ERC2: variants seen among roughly 807,000 people sequenced by gnomAD.
ERC2 encodes the protein ERC protein 2.
In ERC2, 42 loss-of-function variants were observed where a neutral mutation model predicts 114.8. That is an observed-to-expected ratio of 0.37 (90% CI 0.29 to 0.47). ERC2 has a LOEUF of 0.47. ERC2 is among the 20% of genes least tolerant of loss of function. ERC2 has a pLI of 0.99. For synonymous variants in ERC2, 454 were observed against 425.5 expected (o/e 1.07, Z -0.82); for missense variants, 939 against 1,150.7 (o/e 0.82, Z 2.66).
At position 56,032,885 on chromosome 3, in the gene ERC2, AAGAG is replaced by A. The variant is rs1193357850; in HGVS notation, c.1642-13858_1642-13855del. Among the ~76,000 whole-genome samples the A allele has an allele frequency of 1.3e-4, 10 of 79,268 alleles. No homozygotes were observed. In the East Asian group the frequency reaches 2.6e-3, roughly 20 times the overall value. 52.0% of individuals were successfully genotyped at this position (79,268 alleles called of 152,430 possible). On this transcript the variant is annotated intron_variant, in intron 7 of 17. Transcript: ENST00000288221. ...AAAGAAAGAAAGAAAGAAAGAAAGA[AAGAG>A]AGAGAGAGAGACAGAAAGAAAGAAA...
At chr3:55,540,496 T>C (rs1332867483) in intron 17 of ERC2, among the ~76,000 whole-genome samples, 1 of 152,132 alleles carries the variant, frequency 6.6e-6, no homozygotes, top group East Asian at 1.9e-4. Flanking sequence ...TAAGAAATGG[T>C]CTATGCTCAT....
At chr3:55,714,878 T>G (rs1027336033) in intron 15 of ERC2, among the ~76,000 whole-genome samples, 1 of 151,476 alleles carries the variant, frequency 6.6e-6, no homozygotes, top group South Asian at 2.1e-4. Flanking sequence ...CTGCTCCCTA[T>G]ACAAAAATGC....
At chr3:55,650,164 G>C (rs2060554863) in intron 17 of ERC2, among the ~76,000 whole-genome samples, 2 of 152,194 alleles carry the variant, frequency 1.3e-5, no homozygotes, top group Non-Finnish European at 2.9e-5. Context: ...ATTTGAGAGA[G>C]CCCCACATCC....
chr3:55,994,875 G>A (rs112065558), intron 10 of ERC2, among the ~76,000 whole-genome samples: 393 of 152,214 alleles, frequency 2.6e-3, no homozygotes, highest in African/African-American at 9.2e-3. Context: ...AGCACAGAAA[G>A]CCTAGGAAAA....
At chr3:56,180,613 T>C (rs914820967) in intron 3 of ERC2, among the ~76,000 whole-genome samples, 1 of 152,070 alleles carries the variant, frequency 6.6e-6, no homozygotes, top group African/African-American at 2.4e-5. Flanking sequence ...GACAAACTTA[T>C]CGAAATAGAA....
intron 3 of ERC2, among the ~76,000 whole-genome samples, chr3:56,211,187 T>C (rs1156821688): frequency 1.3e-5 from 2 of 152,088 alleles, no homozygotes; most frequent in Non-Finnish European, 2.9e-5. Context: ...CATAACTGTA[T>C]ACCTGGAAAA....
chr3:56,394,183 C>T (rs2060224250), intron 2 of ERC2, among the ~76,000 whole-genome samples: 6 of 152,084 alleles, frequency 3.9e-5, no homozygotes. Flanking sequence ...GAGAAAGAAC[C>T]TTACTGTAGG....
At chr3:55,771,223 T>C (rs907731515) in intron 14 of ERC2, among the ~76,000 whole-genome samples, 2 of 152,210 alleles carry the variant, frequency 1.3e-5, no homozygotes, top group Non-Finnish European at 2.9e-5. Flanking sequence ...ATCACCACAC[T>C]GTCTTCCACA....
intron 14 of ERC2, among the ~76,000 whole-genome samples, chr3:55,785,184 G>C (rs978335369): frequency 3.3e-5 from 5 of 152,114 alleles, no homozygotes; most frequent in Non-Finnish European, 7.4e-5. Context: ...GATAATTCAG[G>C]GTACACAAGG....
At chr3:55,884,476 A>G (rs897146291) in intron 14 of ERC2, among the ~76,000 whole-genome samples, 2 of 152,140 alleles carry the variant, frequency 1.3e-5, no homozygotes, top group African/African-American at 4.8e-5. Flanking sequence ...CCTTAAAATG[A>G]ACAATATCAC....
rs35098698 is a variant in ERC2 at position 56,219,674 on chromosome 3, G to GAAA, written c.1075-46157_1075-46155dup. 1.6e-4 allele frequency among the ~76,000 whole-genome samples: 20 copies of GAAA among 123,092 alleles called. 1 individual carries two copies. Among genetic ancestry groups the GAAA allele is most frequent in the Non-Finnish European group, 2.1e-4 (13 of 61,426 alleles). The allele number at this position is 123,092 out of a possible 152,430, so 80.8% of individuals were successfully genotyped here. On this transcript the variant is annotated intron_variant, in intron 3 of 17. Coordinates refer to ENST00000288221, the MANE Select transcript of ERC2 (RefSeq NM_015576.3). ...TTGAAGGACAAGAAGGCTCAAGTGC[G>GAAA]AAAAAAAAAAAAAAAAAGAAATGGG...
intron 15 of ERC2, among the ~76,000 whole-genome samples, chr3:55,727,464 T>C (rs1321837813): frequency 2.0e-5 from 3 of 152,210 alleles, no homozygotes; most frequent in Non-Finnish European, 4.4e-5. Flanking sequence ...TTATCTTTTT[T>C]TAATGCAACA....
At chr3:55,827,355 G>A (rs2060370124) in intron 14 of ERC2, among the ~76,000 whole-genome samples, 1 of 151,030 alleles carries the variant, frequency 6.6e-6, no homozygotes, top group African/African-American at 2.4e-5. Context: ...AGGAGGAGAT[G>A]AAAGTAAGAA....
intron 17 of ERC2, among the ~76,000 whole-genome samples, chr3:55,544,361 T>C (rs1417171165): frequency 6.6e-6 from 1 of 152,098 alleles, no homozygotes; most frequent in Non-Finnish European, 1.5e-5. Flanking sequence ...CGACAGCATT[T>C]TATTAGTGAC....
chr3:56,416,955 A>G (rs560183777), intron 2 of ERC2, among the ~76,000 whole-genome samples: 1 of 152,366 alleles, frequency 6.6e-6, no homozygotes, highest in Admixed American at 6.5e-5. Flanking sequence ...AGGCCGGTGC[A>G]GAGATCTAAG....
At chr3:55,675,097 T>C (rs1219280691) in intron 17 of ERC2, among the ~76,000 whole-genome samples, 2 of 152,148 alleles carry the variant, frequency 1.3e-5, no homozygotes, top group Non-Finnish European at 1.5e-5. Context: ...TTTACTCCAC[T>C]CAAGATTGAA....
chr3:55,810,465 C>CTTTTTTTTTTTTTTTTTTTTTT (rs11318195), intron 14 of ERC2, among the ~76,000 whole-genome samples: 2 of 146,424 alleles, frequency 1.4e-5, no homozygotes, highest in South Asian at 2.2e-4. Context: ...CTCTCTCCCT[C>CTTTTTTTTTTTTTTTTTTTTTT]TTTTTTTTTT....
chr3:56,079,315 C>T (rs1446421423), intron 7 of ERC2, among the ~76,000 whole-genome samples: 1 of 152,054 alleles, frequency 6.6e-6, no homozygotes, highest in East Asian at 1.9e-4. Flanking sequence ...TAAAGCACAC[C>T]TCAGTCAAGG....
intron 3 of ERC2, among the ~76,000 whole-genome samples, chr3:56,254,486 G>A (rs2052385314): frequency 6.6e-6 from 1 of 152,114 alleles, no homozygotes; most frequent in South Asian, 2.1e-4. Flanking sequence ...TTAAGGAGGA[G>A]GCCCCACCTC....
Sources: gnomAD v4.1 joint callset for allele counts (sites outside exome capture counted in the v4.1 genomes callset) on GRCh38, gnomAD v4.1.1 for gene constraint, MANE v1.5 for transcripts, NCBI Gene and HGNC (gene_info 2026-07-23, HGNC 2026-07-21) for gene names.